DAPK2: variants seen among roughly 807,000 people sequenced by gnomAD.
DAPK2 encodes the protein death-associated protein kinase 2.
DAPK2 carries 35 observed loss-of-function variants against 44.1 expected under a neutral mutation model. The ratio of observed to expected loss-of-function variants is 0.79; its 90% CI spans 0.61 to 1.05. The LOEUF is 1.05. Among genes scored for constraint, DAPK2 ranks in the 50% least tolerant of loss-of-function variants. The probability of loss-of-function intolerance (pLI) is 0.00; values close to 1 mark genes in which losing one functional copy is unlikely to be tolerated. For missense variants in DAPK2, 453 were observed against 483.2 expected (o/e 0.94, Z 0.59); for synonymous variants, 174 against 182.6 (o/e 0.95, Z 0.38).
intron 8 of DAPK2, among the ~76,000 whole-genome samples, chr15:63,914,709 C>T (rs568900032): frequency 2.6e-5 from 4 of 152,330 alleles, no homozygotes; most frequent in African/African-American, 9.6e-5. Flanking sequence ...TGGCTCCCAT[C>T]GCACAGGTCC....
chr15:63,939,378 A>G lies in DAPK2; in HGVS notation c.454-17T>C. The G allele has an allele frequency of 1.3e-6, 2 of 1,546,924 alleles. No homozygotes were observed. Among genetic ancestry groups the G allele is most frequent in the Non-Finnish European group, 1.7e-6 (2 of 1,149,804 alleles). On this transcript the variant is annotated splice_polypyrimidine_tract_variant and intron_variant, in intron 3 of 10. Transcript: ENST00000261891. The surrounding 1 kb of genome is among the most constrained non-coding windows in gnomAD (Gnocchi z 4.3). ...GTTTTCTGGCTGGACAACAAAAAGT[A>G]GAAAAAAAAAAAAGGAAGGAAGAAA...
At chr15:64,024,472 AGTG>A (rs1167665602) in intron 1 of DAPK2, among the ~76,000 whole-genome samples, 3 of 152,218 alleles carry the variant, frequency 2.0e-5, no homozygotes, top group Non-Finnish European at 2.9e-5. Flanking sequence ...AAGCTGGAAA[AGTG>A]GAGACTCAGA....
At chr15:64,038,865 C>T (rs747608703) in intron 1 of DAPK2, among the ~76,000 whole-genome samples, 3 of 152,130 alleles carry the variant, frequency 2.0e-5, no homozygotes, top group Admixed American at 6.6e-5. Flanking sequence ...AAACCTGCCT[C>T]CCATTCTATT....
chr15:63,924,646 T>C, intron 8 of DAPK2, 170 bp downstream of exon 9: 2 of 631,716 alleles, frequency 3.2e-6, no homozygotes, highest in Non-Finnish European at 5.6e-6. Flanking sequence ...AATAAACCTA[T>C]TCGAATAAGC....
intron 1 of DAPK2, among the ~76,000 whole-genome samples, chr15:64,019,677 T>C (rs2079629276): frequency 6.6e-6 from 1 of 152,252 alleles, no homozygotes; most frequent in Non-Finnish European, 1.5e-5. Flanking sequence ...TCTAGCCTTT[T>C]TTTCCTACAT....
Position 64,002,974 on chromosome 15 carries a change from CTGTGTGTGTGTGTG to C in DAPK2, c.93-19234_93-19221del, listed in dbSNP as rs58879927. Among the ~76,000 whole-genome samples the C allele has an allele frequency of 1.2e-4, 6 of 51,638 alleles. No homozygotes were observed. In the South Asian group the frequency reaches 2.8e-3, roughly 24 times the overall value. 33.9% of individuals were successfully genotyped at this position (51,638 alleles called of 152,430 possible). A position where few individuals can be genotyped will look rare whatever the true frequency, so the allele number is the denominator to read the frequency against. ...TGTGTGTGTGTGTGTGTCGTGGGACCTGTGTGTGTGTGTGTGTGTGTGTGTGTGTGTGTGTGTGT... is the reference window on the plus strand; with the variant it reads ...TGTGTGTGTGTGTGTGTCGTGGGACCTGTGTGTGTGTGTGTGTGTGTGTGT... On this transcript the variant is annotated intron_variant, in intron 1 of 10. Coordinates refer to ENST00000261891, the Ensembl canonical transcript of DAPK2.
Position 63,917,171 on chromosome 15 carries a change from T to G in DAPK2, c.859-4974A>C, listed in dbSNP as rs1197121468. ...TGAGGTCAGGAGTTCAAGACTAGCC[T>G]GGCCAACATGATGAAACCCCATCTC... On this transcript the variant is annotated intron_variant, in intron 8 of 10. Coordinates refer to ENST00000261891, the Ensembl canonical transcript of DAPK2. The surrounding 1 kb of genome is among the most constrained non-coding windows in gnomAD (Gnocchi z 4.4). The G allele has an allele frequency of 6.6e-6, 1 of 152,234 alleles. No individual in the cohort carries two copies. The highest frequency in any genetic ancestry group is 2.4e-5 in the African/African-American group (1 of 41,444). 9.4% of individuals were successfully genotyped at this position (152,234 alleles called of 1,614,324 possible).
chr15:63,923,412 G>C lies in DAPK2; in HGVS notation c.858+1404C>G. 1.3e-6 allele frequency: 2 copies of C among 1,489,960 alleles called. No homozygotes were observed. The highest frequency in any genetic ancestry group is 1.8e-6 in the Non-Finnish European group (2 of 1,123,004). The allele number at this position is 1,489,960 out of a possible 1,614,324, so 92.3% of individuals were successfully genotyped here. On this transcript the variant is annotated intron_variant, in intron 8 of 10. Transcript: ENST00000261891. This position sits in a 1 kb window ranked among gnomAD's most constrained non-coding sequence, Gnocchi z 4.2. ...CCCACCCCAGAGGGCAGTCCAAAGGGTAGGCAGAAGGCACACAAGCGGCCT... is the reference window on the plus strand; with the variant it reads ...CCCACCCCAGAGGGCAGTCCAAAGGCTAGGCAGAAGGCACACAAGCGGCCT...
In DAPK2 at chr15:63,928,513, T is replaced by C. The variant is rs375647807; in HGVS notation, c.659+1038A>G. ...GGTTGGGAAGGGCTGATGGAATGAA[T>C]ACTCACTAGCCCACTGTGCATGTTC... is the stretch of plus-strand genomic sequence containing the variant. On this transcript the variant is annotated intron_variant, in intron 6 of 10. Coordinates refer to ENST00000261891, the Ensembl canonical transcript of DAPK2. 8 of 152,332 alleles carry C rather than the reference T, an allele frequency of 5.3e-5. No individual in the cohort carries two copies. The East Asian group carries it at 1.2e-3, about 22-fold the overall frequency. 9.4% of individuals were successfully genotyped at this position (152,332 alleles called of 1,614,324 possible). A position where few individuals can be genotyped will look rare whatever the true frequency, so the allele number is the denominator to read the frequency against.
intron 3 of DAPK2, among the ~76,000 whole-genome samples, chr15:63,951,752 C>A (rs1291812900): frequency 6.6e-6 from 1 of 152,222 alleles, no homozygotes; most frequent in Non-Finnish European, 1.5e-5. Context: ...AAATTGAAAT[C>A]CACCTGCAAT....
intron 1 of DAPK2, among the ~76,000 whole-genome samples, chr15:64,002,983 T>TC (rs1412278381): frequency 1.4e-5 from 2 of 144,572 alleles, no homozygotes; most frequent in African/African-American, 5.2e-5. Context: ...CCTGTGTGTG[T>TC]GTGTGTGTGT....
chr15:63,924,443 T>G, intron 8 of DAPK2: 2 of 167,138 alleles, frequency 1.2e-5, no homozygotes, highest in East Asian at 1.6e-4. Flanking sequence ...AAAGTGGGGG[T>G]TTTCAATTGT....
intron 1 of DAPK2, among the ~76,000 whole-genome samples, chr15:63,994,799 A>C (rs556276389): frequency 1.3e-5 from 2 of 152,154 alleles, no homozygotes; most frequent in South Asian, 2.1e-4. Flanking sequence ...CACATTGGCC[A>C]GGCTGGTTTC....
upstream of DAPK2, chr15:64,040,406 C>T (rs1005784006): frequency 1.1e-5 from 7 of 630,998 alleles, no homozygotes; most frequent in South Asian, 1.9e-5. Flanking sequence ...CAAGAACTGC[C>T]CTGCTCAAGC....
At position 64,003,010 on chromosome 15, in the gene DAPK2, G is replaced by GTGTGTGTGTGTGTGTGTGTT. The variant is rs1314879276; in HGVS notation, c.93-19257_93-19256insAACACACACACACACACACA. Among the ~76,000 whole-genome samples, 386 of 140,476 alleles carry GTGTGTGTGTGTGTGTGTGTT rather than the reference G, an allele frequency of 2.7e-3. 19 individuals are homozygous for GTGTGTGTGTGTGTGTGTGTT. Among genetic ancestry groups the GTGTGTGTGTGTGTGTGTGTT allele is most frequent in the South Asian group, 0.014 (49 of 3,422 alleles). 92.2% of individuals were successfully genotyped at this position (140,476 alleles called of 152,430 possible). On this transcript the variant is annotated intron_variant, in intron 1 of 10. Transcript: ENST00000261891. ...TGTGTGTGTGTGTGTGTGTGTGTGT[G>GTGTGTGTGTGTGTGTGTGTT]TGTGTCGTGGGACCAGAGGTGGTGG...
At chr15:64,016,407 G>C (rs2079527638) in intron 1 of DAPK2, among the ~76,000 whole-genome samples, 1 of 152,244 alleles carries the variant, frequency 6.6e-6, no homozygotes, top group Admixed American at 6.5e-5. Flanking sequence ...AGGGTGACTT[G>C]GGATATGAGT....
upstream of DAPK2, among the ~76,000 whole-genome samples, chr15:64,041,983 G>A (rs533068878): frequency 2.6e-5 from 4 of 152,290 alleles, no homozygotes; most frequent in South Asian, 8.3e-4. Flanking sequence ...GGCCAGGGCT[G>A]GAGCAAGCAT....
chr15:64,029,323 T>C (rs997543404), intron 1 of DAPK2, among the ~76,000 whole-genome samples: 2 of 152,130 alleles, frequency 1.3e-5, no homozygotes, highest in Non-Finnish European at 2.9e-5. Flanking sequence ...CCCTCTCTCA[T>C]CCACAGCCTC....
rs371927334 is a variant in DAPK2, at chr15:63,937,617, C to A, written c.583+1615G>T. ...GAGACCTCTCCCACTCCAACACCAG[C>A]CCTTTTCCTCTCACTCACTCAAGGC... On this transcript the variant is annotated intron_variant, in intron 4 of 10. Transcript: ENST00000261891. Among the ~76,000 whole-genome samples, 63 of 152,284 alleles carry A rather than the reference C, an allele frequency of 4.1e-4. 1 individual carries two copies. In the South Asian group the frequency reaches 0.012, roughly 30 times the overall value.
Sources: gnomAD v4.1 joint callset for allele counts (sites outside exome capture counted in the v4.1 genomes callset) on GRCh38, gnomAD v4.1.1 for gene constraint, Gnocchi (gnomAD v3.1) non-coding constraint, MANE v1.5 for transcripts, NCBI Gene and HGNC (gene_info 2026-07-23, HGNC 2026-07-21) for gene names.